UBASH3B: variants seen among roughly 807,000 people sequenced by gnomAD.
The protein encoded by UBASH3B is ubiquitin associated and SH3 domain containing B.
Under a neutral mutation model 83.4 loss-of-function variants are expected in UBASH3B, and 37 were observed. The ratio of observed to expected loss-of-function variants is 0.44; its 90% CI spans 0.34 to 0.58. The LOEUF (loss-of-function observed/expected upper bound fraction) is 0.58, where lower values mean the gene tolerates loss of function less well. Among genes scored for constraint, UBASH3B ranks in the 20% least tolerant of loss-of-function variants. The probability of loss-of-function intolerance (pLI) is 0.01; values close to 1 mark genes in which losing one functional copy is unlikely to be tolerated. For synonymous variants in UBASH3B, 304 were observed against 318.3 expected (o/e 0.96, Z 0.48); for missense variants, 657 against 827.2 (o/e 0.79, Z 2.52).
At chr11:122,688,983 G>C (rs57824355) in intron 1 of UBASH3B, among the ~76,000 whole-genome samples, 7 of 81,736 alleles carry the variant, frequency 8.6e-5, no homozygotes, top group African/African-American at 3.2e-4. Flanking sequence ...GGAGGCGGGG[G>C]GGGGGGGGGT....
intron 1 of UBASH3B, among the ~76,000 whole-genome samples, chr11:122,756,825 G>A (rs1474388563): frequency 6.6e-6 from 1 of 152,168 alleles, no homozygotes; most frequent in African/African-American, 2.4e-5. Flanking sequence ...GGTTGCACTC[G>A]ATCCAGTGGA....
chr11:122,771,246 T>TC (rs1391936775), intron 1 of UBASH3B, among the ~76,000 whole-genome samples: 1 of 151,646 alleles, frequency 6.6e-6, no homozygotes, highest in African/African-American at 2.4e-5. Context: ...TTTTTTTTTT[T>TC]TCTGAGATGG....
chr11:122,793,778 C>T (rs1296536393), intron 6 of UBASH3B, among the ~76,000 whole-genome samples: 1 of 152,172 alleles, frequency 6.6e-6, no homozygotes, highest in East Asian at 1.9e-4. Context: ...GCTCACAGCT[C>T]TAAACGTCTG....
At chr11:122,719,200 C>A (rs10219151) in intron 1 of UBASH3B, among the ~76,000 whole-genome samples, 6 of 152,076 alleles carry the variant, frequency 3.9e-5, no homozygotes, top group Non-Finnish European at 8.8e-5. Context: ...TAAGACCACG[C>A]GGCTAATAAT....
At chr11:122,706,571 G>A (rs1864122668) in intron 1 of UBASH3B, among the ~76,000 whole-genome samples, 1 of 152,108 alleles carries the variant, frequency 6.6e-6, no homozygotes, top group Non-Finnish European at 1.5e-5. Context: ...GATTTTCTGA[G>A]GGTGTCTGTG....
At chr11:122,696,108 C>G (rs967937684) in intron 1 of UBASH3B, among the ~76,000 whole-genome samples, 2 of 151,848 alleles carry the variant, frequency 1.3e-5, no homozygotes, top group African/African-American at 4.8e-5. Flanking sequence ...CACCACCATG[C>G]CTGGATAATT....
In UBASH3B at chr11:122,797,026, A is replaced by G. The variant is rs376606259; in HGVS notation, c.1350A>G (p.Arg450=). ...CTGTGTTTGGATGCATGCAAGCAAG[A>G]CTAGTGGGTAAGTATCCTGGAGTGA... is the stretch of plus-strand genomic sequence containing the variant. ...PITVFGCMQA[R]LVGEALLESN... is the part of the protein sequence containing the mutation. Residue 450 remains arginine, a synonymous_variant, in exon 9 of 14, where the codon AGA becomes AGG. Coordinates refer to ENST00000284273, the MANE Select transcript of UBASH3B (RefSeq NM_032873.5). 6.2e-7 allele frequency: 1 copy of G among 1,609,480 alleles called. No homozygotes were observed. Among genetic ancestry groups the G allele is most frequent in the Non-Finnish European group, 8.5e-7 (1 of 1,177,640 alleles).
chr11:122,690,745 C>T (rs1272654782), intron 1 of UBASH3B, among the ~76,000 whole-genome samples: 1 of 152,142 alleles, frequency 6.6e-6, no homozygotes, highest in Non-Finnish European at 1.5e-5. Context: ...TATTTCACAT[C>T]GGTTGTGAAT....
intron 1 of UBASH3B, among the ~76,000 whole-genome samples, chr11:122,745,057 G>A (rs1319536262): frequency 6.6e-6 from 1 of 152,192 alleles, no homozygotes; most frequent in Non-Finnish European, 1.5e-5. Flanking sequence ...CTGCCTGAGT[G>A]GCAAAAGCAA....
At chr11:122,667,237 G>A (rs938818093) in intron 1 of UBASH3B, among the ~76,000 whole-genome samples, 11 of 151,790 alleles carry the variant, frequency 7.2e-5, no homozygotes, top group African/African-American at 2.7e-4. Context: ...AGTAGAGACG[G>A]GGTTTTGCCA....
At chr11:122,808,758 G>C (rs1591335029) in intron 13 of UBASH3B, among the ~76,000 whole-genome samples, 1 of 152,206 alleles carries the variant, frequency 6.6e-6, no homozygotes, top group East Asian at 1.9e-4. Context: ...TCTGCCGCCA[G>C]AGAACCTGGT....
intron 1 of UBASH3B, among the ~76,000 whole-genome samples, chr11:122,739,340 TAGAG>T (rs1379261369): frequency 1.3e-5 from 2 of 152,182 alleles, no homozygotes; most frequent in African/African-American, 2.4e-5. Context: ...GGAATTTTAA[TAGAG>T]AGCAAAAAAA....
intron 1 of UBASH3B, among the ~76,000 whole-genome samples, chr11:122,736,477 T>G (rs1022220854): frequency 1.3e-5 from 2 of 151,656 alleles, no homozygotes; most frequent in African/African-American, 4.8e-5. Context: ...AAACTCTAAA[T>G]ACTAATTCAT....
chr11:122,747,075 G>C (rs916297822), intron 1 of UBASH3B, among the ~76,000 whole-genome samples: 3 of 152,226 alleles, frequency 2.0e-5, no homozygotes, highest in South Asian at 2.1e-4. Flanking sequence ...GCTGCGGGGT[G>C]GGGGTGGTCA....
intron 7 of UBASH3B, 134 bp downstream of exon 7, chr11:122,794,968 A>T (rs1276999069): frequency 2.3e-6 from 3 of 1,283,376 alleles, no homozygotes; most frequent in Non-Finnish European, 3.2e-6. Flanking sequence ...ACACCAAATT[A>T]TAAAAGATAT....
At chr11:122,764,156 C>G (rs1268339419) in intron 1 of UBASH3B, among the ~76,000 whole-genome samples, 3 of 152,204 alleles carry the variant, frequency 2.0e-5, no homozygotes, top group Non-Finnish European at 4.4e-5. Flanking sequence ...ATTGCTGGAT[C>G]TCCTATTCTT....
At chr11:122,804,662 G>A (rs964098012) in intron 11 of UBASH3B, among the ~76,000 whole-genome samples, 30 of 152,128 alleles carry the variant, frequency 2.0e-4, no homozygotes, top group Admixed American at 1.3e-3. Flanking sequence ...CAGGACACTC[G>A]CACAGAGCCT....
At chr11:122,722,448 C>T (rs116567028) in intron 1 of UBASH3B, among the ~76,000 whole-genome samples, 1,910 of 152,106 alleles carry the variant, frequency 0.013, 38 homozygotes, top group African/African-American at 0.042. Flanking sequence ...CTGAGAGAGA[C>T]GGGAAATGTC....
At chr11:122,669,399 A>G (rs145218674) in intron 1 of UBASH3B, among the ~76,000 whole-genome samples, 306 of 151,524 alleles carry the variant, frequency 2.0e-3, no homozygotes, top group Non-Finnish European at 3.6e-3. Flanking sequence ...CTCCTGCCTC[A>G]CTCCTTTCCT....
Sources: gnomAD v4.1 joint callset for allele counts (sites outside exome capture counted in the v4.1 genomes callset) on GRCh38, gnomAD v4.1.1 for gene constraint, MANE v1.5 for transcripts, NCBI Gene and HGNC (gene_info 2026-07-23, HGNC 2026-07-21) for gene names.